Variants in PSD3 observed in about 807,000 individuals in gnomAD.
The protein encoded by PSD3 is pleckstrin and Sec7 domain containing 3, also known as PH and SEC7 domain-containing protein 3.
In PSD3, 49 loss-of-function variants were observed where a neutral mutation model predicts 105.5. The ratio of observed to expected loss-of-function variants is 0.46; its 90% CI spans 0.37 to 0.59. PSD3 has a LOEUF of 0.59. Among genes scored for constraint, PSD3 ranks in the 20% least tolerant of loss-of-function variants. The pLI, the probability that PSD3 is intolerant of heterozygous loss-of-function variation, is 0.00. For synonymous variants in PSD3, 557 were observed against 457.8 expected, an observed-to-expected ratio of 1.22 and a Z score of -2.77; for missense variants, 1,561 against 1,263.8, an observed-to-expected ratio of 1.24 and a Z score of -3.57.
chr8:19,065,256 A>G (rs947682113), intron 1 of PSD3, among the ~76,000 whole-genome samples: 2 of 152,198 alleles, frequency 1.3e-5, no homozygotes, highest in Non-Finnish European at 2.9e-5. Flanking sequence ...ATAATAATCT[A>G]TACAGAAGAT....
rs147121807 is a variant in PSD3 at position 18,635,071 on chromosome 8, T to C, written c.2217-2265A>G. Among the ~76,000 whole-genome samples the C allele has an allele frequency of 9.3e-3, 1,409 of 152,298 alleles. 22 individuals are homozygous for C. Among genetic ancestry groups the C allele is most frequent in the African/African-American group, 0.031 (1,287 of 41,556 alleles). On this transcript the variant is annotated intron_variant, in intron 10 of 15. Coordinates refer to ENST00000327040, the MANE Select transcript of PSD3 (RefSeq NM_015310.4). ...GATATTTGTTTTATTCTTTAGGTTA[T>C]AATCAAATACTATTGTTATTTAATT...
intron 11 of PSD3, among the ~76,000 whole-genome samples, chr8:18,619,974 C>G (rs140586134): frequency 8.7e-4 from 133 of 152,238 alleles, no homozygotes; most frequent in Admixed American, 2.9e-3. Flanking sequence ...TAGCTAAGAG[C>G]CCAACACCTC....
intron 14 of PSD3, among the ~76,000 whole-genome samples, chr8:18,565,174 T>C (rs1160306243): frequency 1.3e-5 from 2 of 152,032 alleles, no homozygotes; most frequent in Non-Finnish European, 2.9e-5. Flanking sequence ...GGCTGGGAAA[T>C]GTGCATTTTC....
chr8:18,841,574 T>C (rs1814631518), intron 4 of PSD3, among the ~76,000 whole-genome samples: 1 of 151,850 alleles, frequency 6.6e-6, no homozygotes, highest in Non-Finnish European at 1.5e-5. Flanking sequence ...CAGGCATTGT[T>C]TGAAGTGGGT....
intron 2 of PSD3, among the ~76,000 whole-genome samples, chr8:18,900,818 C>G (rs1586368191): frequency 6.6e-6 from 1 of 151,954 alleles, no homozygotes; most frequent in Non-Finnish European, 1.5e-5. Context: ...TTTAATACAA[C>G]ACATAATTTA....
chr8:18,974,799 T>C (rs1471544134), intron 1 of PSD3, among the ~76,000 whole-genome samples: 1 of 152,078 alleles, frequency 6.6e-6, no homozygotes, highest in African/African-American at 2.4e-5. Flanking sequence ...GAAGACCTGC[T>C]AGCTATACAT....
Position 18,531,346 on chromosome 8 carries a change from CA to C in PSD3, c.*4396del, listed in dbSNP as rs1799622506. On this transcript the variant is annotated 3_prime_UTR_variant, in exon 16 of 16. Coordinates refer to ENST00000327040, the MANE Select transcript of PSD3 (RefSeq NM_015310.4). ...GCAATGGGCCAATTATTGTCATAAG[CA>C]GAAGGCTGCCCACGTGGGTTCTGGA... The C allele has an allele frequency of 6.6e-6, 1 of 152,638 alleles. No individual in the cohort carries two copies. The highest frequency in any genetic ancestry group is 6.5e-5 in the Admixed American group (1 of 15,282). The allele number at this position is 152,638 out of a possible 1,614,324, so 9.5% of individuals were successfully genotyped here.
chr8:18,656,218 T>C (rs1334337425), intron 9 of PSD3, among the ~76,000 whole-genome samples: 1 of 151,996 alleles, frequency 6.6e-6, no homozygotes, highest in Non-Finnish European at 1.5e-5. Flanking sequence ...CCACCACACC[T>C]GGCTAATTTT....
intron 4 of PSD3, among the ~76,000 whole-genome samples, chr8:18,850,038 T>G (rs1193927343): frequency 6.6e-6 from 1 of 152,244 alleles, no homozygotes; most frequent in Non-Finnish European, 1.5e-5. Context: ...CCTATTACTG[T>G]CATCTAGGAA....
At chr8:18,724,521 G>A (rs761204870) in intron 9 of PSD3, among the ~76,000 whole-genome samples, 48 of 152,140 alleles carry the variant, frequency 3.2e-4, no homozygotes, top group Non-Finnish European at 5.4e-4. Flanking sequence ...GCTGAGGCAG[G>A]AGGATCACTT....
intron 14 of PSD3, among the ~76,000 whole-genome samples, chr8:18,558,371 A>G (rs1366625177): frequency 1.3e-5 from 2 of 152,236 alleles, no homozygotes; most frequent in Non-Finnish European, 2.9e-5. Flanking sequence ...TTAAATATAT[A>G]AAAAGTCATA....
At chr8:18,749,284 A>T (rs904528117) in intron 9 of PSD3, among the ~76,000 whole-genome samples, 2 of 152,204 alleles carry the variant, frequency 1.3e-5, no homozygotes, top group Admixed American at 1.3e-4. Flanking sequence ...CCCCACAACC[A>T]GAGTCCCTTC....
intron 1 of PSD3, among the ~76,000 whole-genome samples, chr8:18,980,661 C>A (rs937593362): frequency 1.3e-5 from 2 of 152,090 alleles, no homozygotes; most frequent in Non-Finnish European, 2.9e-5. Context: ...TTTTCCCTCT[C>A]TCCCTCCACA....
intron 1 of PSD3, among the ~76,000 whole-genome samples, chr8:19,076,956 C>A (rs559406137): frequency 6.6e-6 from 1 of 152,318 alleles, no homozygotes; most frequent in African/African-American, 2.4e-5. Flanking sequence ...ATCTCAACCT[C>A]ATCCTTCCTT....
intron 9 of PSD3, among the ~76,000 whole-genome samples, chr8:18,716,055 G>C (rs1487683671): frequency 1.3e-5 from 2 of 152,196 alleles, no homozygotes; most frequent in Non-Finnish European, 2.9e-5. Context: ...GGCAGGAGTG[G>C]GTGAGTGCTA....
intron 1 of PSD3, among the ~76,000 whole-genome samples, chr8:19,057,426 G>A (rs1456114923): frequency 2.0e-5 from 3 of 152,118 alleles, no homozygotes; most frequent in Non-Finnish European, 2.9e-5. Context: ...TCTATGACAC[G>A]AAAACCTCTG....
At chr8:18,622,366 A>T (rs1233658390) in intron 11 of PSD3, among the ~76,000 whole-genome samples, 2 of 152,204 alleles carry the variant, frequency 1.3e-5, no homozygotes, top group Non-Finnish European at 2.9e-5. Context: ...GTTAAGTGAC[A>T]TTATATCCCT....
intron 12 of PSD3, among the ~76,000 whole-genome samples, chr8:18,587,926 A>T (rs1243876959): frequency 6.6e-6 from 1 of 152,196 alleles, no homozygotes; most frequent in East Asian, 1.9e-4. Context: ...CTGCTATCAC[A>T]TGCTGGTAGA....
chr8:18,782,499 G>A (rs927837896), intron 8 of PSD3, among the ~76,000 whole-genome samples: 6 of 152,184 alleles, frequency 3.9e-5, no homozygotes, highest in African/African-American at 1.4e-4. Flanking sequence ...AGTAACGGCT[G>A]TAGTGAGGCT....
Sources: allele counts gnomAD v4.1 joint callset (sites outside exome capture counted in the v4.1 genomes callset), GRCh38; gene constraint gnomAD v4.1.1; transcripts MANE v1.5; gene names NCBI Gene and HGNC (gene_info 2026-07-23, HGNC 2026-07-21).